SLC9C1: variants seen among roughly 807,000 people sequenced by gnomAD.
The protein encoded by SLC9C1 is solute carrier family 9 member C1.
SLC9C1 carries 97 observed loss-of-function variants against 140.9 expected under a neutral mutation model. The ratio of observed to expected loss-of-function variants is 0.69; its 90% CI spans 0.58 to 0.82. The LOEUF is 0.82. Among genes scored for constraint, SLC9C1 ranks in the 40% least tolerant of loss-of-function variants. The pLI is 0.00. For synonymous variants in SLC9C1, 440 were observed against 442.6 expected, an observed-to-expected ratio of 0.99 and a Z score of 0.07; for missense variants, 1,340 against 1,389.3, an observed-to-expected ratio of 0.96 and a Z score of 0.56.
Position 112,284,639 on chromosome 3 carries a change from A to G in SLC9C1, c.88+2065T>C, listed in dbSNP as rs2080452041. Among the ~76,000 whole-genome samples, 4 of 152,328 alleles carry G rather than the reference A, an allele frequency of 2.6e-5. No individual in the cohort carries two copies. The South Asian group carries it at 8.3e-4, about 32-fold the overall frequency. On this transcript the variant is annotated intron_variant, in intron 2 of 28. Coordinates refer to ENST00000305815, the MANE Select transcript of SLC9C1 (RefSeq NM_183061.3). ...AAATTAAGAAAGTGGTTGTTATGTA[A>G]AGAACAACCATGTCTCAGGAAGTGA... is the stretch of plus-strand genomic sequence containing the variant.
chr3:112,152,731 C>T lies in SLC9C1; in HGVS notation c.3418-768G>A, dbSNP rs187624493. Among the ~76,000 whole-genome samples the T allele has an allele frequency of 3.9e-5, 6 of 152,214 alleles. No homozygotes were observed. The East Asian group carries it at 7.7e-4, about 20-fold the overall frequency. On this transcript the variant is annotated intron_variant, in intron 27 of 28. Coordinates refer to ENST00000305815, the MANE Select transcript of SLC9C1 (RefSeq NM_183061.3). ...ACAGTGCATTGTGTCCCTGGGTACT[C>T]GAGACTGGAGAATGGCGATGACTTT...
chr3:112,155,024 G>T lies in SLC9C1; in HGVS notation c.3390C>A (p.Gly1130=). The T allele has an allele frequency of 6.2e-7, 1 of 1,606,352 alleles. No homozygotes were observed. Residue 1130 remains glycine, a synonymous_variant, in exon 27 of 29, where the codon GGC becomes GGA. Coordinates refer to ENST00000305815, the MANE Select transcript of SLC9C1 (RefSeq NM_183061.3). ...LIGSVGTLEE[G]IQEERNVKED... is the part of the protein sequence containing the mutation. ...CCTTAACATTTCTTTCTTCTTGAAT[G>T]CCTTCTTCCAATGTTCCAACTGAAC... is the stretch of plus-strand genomic sequence containing the variant.
At chr3:112,170,676 C>T (rs1346588291) in intron 23 of SLC9C1, among the ~76,000 whole-genome samples, 1 of 152,136 alleles carries the variant, frequency 6.6e-6, no homozygotes, top group South Asian at 2.1e-4. Flanking sequence ...AAATAAAATG[C>T]TTATGCTAAA....
intron 10 of SLC9C1, among the ~76,000 whole-genome samples, chr3:112,261,984 C>T (rs186197884): frequency 6.6e-6 from 1 of 152,140 alleles, no homozygotes; most frequent in Non-Finnish European, 1.5e-5. Flanking sequence ...CCTCTCACCT[C>T]AACACTTAAG....
chr3:112,289,072 T>C (rs2080601313), intron 1 of SLC9C1, among the ~76,000 whole-genome samples: 1 of 152,282 alleles, frequency 6.6e-6, no homozygotes, highest in East Asian at 1.9e-4. Context: ...ACCACTGTGA[T>C]CCGCTCAATT....
chr3:112,230,740 C>A (rs2078798870), intron 13 of SLC9C1, among the ~76,000 whole-genome samples: 1 of 152,084 alleles, frequency 6.6e-6, no homozygotes, highest in South Asian at 2.1e-4. Flanking sequence ...TATGAACACC[C>A]TAAGAGGACA....
intron 26 of SLC9C1, among the ~76,000 whole-genome samples, chr3:112,166,132 G>A (rs1365048922): frequency 6.6e-6 from 1 of 152,214 alleles, no homozygotes; most frequent in African/African-American, 2.4e-5. Flanking sequence ...CACAGTATTA[G>A]GGTGGGAGTG....
chr3:112,251,955 A>G lies in SLC9C1; in HGVS notation c.1198-7879T>C, dbSNP rs756699132. On this transcript the variant is annotated intron_variant, in intron 10 of 28. Transcript: ENST00000305815. Reference sequence around the variant, plus strand: ...CCCCAACCTTGCTCAAATTGCTGCCACTTTTGCTGGGAAGCCCAGGTATCT... The same window carrying G: ...CCCCAACCTTGCTCAAATTGCTGCCGCTTTTGCTGGGAAGCCCAGGTATCT... Among the ~76,000 whole-genome samples, 7 of 152,276 alleles carry G rather than the reference A, an allele frequency of 4.6e-5. No homozygotes were observed. In the East Asian group the frequency reaches 1.2e-3, roughly 25 times the overall value.
intron 23 of SLC9C1, among the ~76,000 whole-genome samples, chr3:112,169,923 A>C (rs1036202896): frequency 6.6e-6 from 1 of 152,094 alleles, no homozygotes; most frequent in Non-Finnish European, 1.5e-5. Context: ...TATTGGGAAA[A>C]TTTGATTGCT....
chr3:112,153,155 A>T (rs1171192437), intron 27 of SLC9C1, among the ~76,000 whole-genome samples: 2 of 152,142 alleles, frequency 1.3e-5, no homozygotes, highest in Non-Finnish European at 1.5e-5. Context: ...ACACAATTTG[A>T]TGATTTTCTT....
chr3:112,262,631 T>G (rs949790781), intron 10 of SLC9C1, among the ~76,000 whole-genome samples: 3 of 152,018 alleles, frequency 2.0e-5, no homozygotes, highest in African/African-American at 7.2e-5. Context: ...AAGAAAGTTT[T>G]CACTTCTCTT....
At chr3:112,256,609 C>A (rs2079613257) in intron 10 of SLC9C1, among the ~76,000 whole-genome samples, 1 of 152,156 alleles carries the variant, frequency 6.6e-6, no homozygotes, top group Non-Finnish European at 1.5e-5. Flanking sequence ...CAGCCAATAT[C>A]ATACTGAGTA....
chr3:112,178,600 A>AT (rs1446144418), intron 23 of SLC9C1, among the ~76,000 whole-genome samples: 1 of 152,122 alleles, frequency 6.6e-6, no homozygotes. Context: ...AGAACTTCAG[A>AT]TTTTTTCTTG....
intron 20 of SLC9C1, among the ~76,000 whole-genome samples, chr3:112,188,199 A>C (rs2077576296): frequency 6.6e-6 from 1 of 152,106 alleles, no homozygotes; most frequent in Non-Finnish European, 1.5e-5. Context: ...TACAGGTGTA[A>C]TTGCTGGTTT....
At chr3:112,176,987 GTC>G (rs375135539) in intron 23 of SLC9C1, among the ~76,000 whole-genome samples, 13 of 138,738 alleles carry the variant, frequency 9.4e-5, no homozygotes, top group Non-Finnish European at 1.2e-4. Flanking sequence ...GACTCCTGGT[GTC>G]TCTCTCTCTC....
chr3:112,213,355 A>C (rs1266924962), intron 15 of SLC9C1, among the ~76,000 whole-genome samples: 1 of 152,188 alleles, frequency 6.6e-6, no homozygotes, highest in Non-Finnish European at 1.5e-5. Flanking sequence ...CACACATAAC[A>C]ATATTAACCT....
At chr3:112,265,882 T>G (rs2079904676) in intron 8 of SLC9C1, among the ~76,000 whole-genome samples, 2 of 152,148 alleles carry the variant, frequency 1.3e-5, no homozygotes, top group Admixed American at 1.3e-4. Flanking sequence ...AACTTAATTT[T>G]AAAATATTGC....
intron 1 of SLC9C1, among the ~76,000 whole-genome samples, chr3:112,292,846 G>A (rs1041105799): frequency 3.3e-5 from 5 of 150,214 alleles, no homozygotes; most frequent in East Asian, 2.0e-4. Context: ...CCCGGCCACA[G>A]GTTTTCAATA....
intron 1 of SLC9C1, among the ~76,000 whole-genome samples, chr3:112,289,057 T>A (rs1263510787): frequency 6.6e-6 from 1 of 152,158 alleles, no homozygotes; most frequent in Non-Finnish European, 1.5e-5. Context: ...CAGCCAAGGT[T>A]AGCAACCACT....
Sources: gnomAD v4.1 joint callset for allele counts (sites outside exome capture counted in the v4.1 genomes callset) on GRCh38, gnomAD v4.1.1 for gene constraint, MANE v1.5 for transcripts, NCBI Gene and HGNC (gene_info 2026-07-23, HGNC 2026-07-21) for gene names.